Variants in FAM234B observed in about 807,000 individuals in gnomAD.
The protein encoded by FAM234B is family with sequence similarity 234 member B, also known as protein FAM234B.
Under a neutral mutation model 69.3 loss-of-function variants are expected in FAM234B, and 33 were observed. The observed-to-expected ratio is 0.48, with a 90% CI of 0.36 to 0.64. FAM234B has a LOEUF of 0.64. Among genes scored for constraint, FAM234B ranks in the 30% least tolerant of loss-of-function variants. The pLI is 0.00. For synonymous variants in FAM234B, 306 were observed against 306.9 expected, an observed-to-expected ratio of 1.00 and a Z score of 0.03; for missense variants, 697 against 769.7, an observed-to-expected ratio of 0.91 and a Z score of 1.12.
At chr12:13,059,274 C>T (rs762842088) in intron 3 of FAM234B, among the ~76,000 whole-genome samples, 42 of 152,232 alleles carry the variant, frequency 2.8e-4, no homozygotes, top group Non-Finnish European at 5.4e-4. Context: ...CTTTCCTTTT[C>T]TGGATTCCAG....
At position 13,068,615 on chromosome 12, in the gene FAM234B, T is replaced by A. The variant is rs747405987; in HGVS notation, c.1287-15T>A. 14 of 1,605,808 alleles carry A rather than the reference T, an allele frequency of 8.7e-6. No homozygotes were observed. The South Asian group carries it at 1.4e-4, about 16-fold the overall frequency. On this transcript the variant is annotated splice_polypyrimidine_tract_variant and intron_variant, in intron 8 of 12. Transcript: ENST00000197268. ...CTTGTTCACTATTGATTGCTTACTT[T>A]GTCCTTATTTGCAGCCAGCCTACTC...
At position 13,055,602 on chromosome 12, in the gene FAM234B, G is replaced by A; in HGVS notation, c.89G>A (p.Ser30Asn). The A allele has an allele frequency of 6.2e-7, 1 of 1,613,678 alleles. No individual in the cohort carries two copies. Among genetic ancestry groups the A allele is most frequent in the Non-Finnish European group, 8.5e-7 (1 of 1,179,558 alleles). ...GEYDPLTQAD[S>N]DESEDDLVLN... ...TATGATCCACTTACCCAGGCTGACA[G>A]TGATGAGAGCGAAGACGATCTGGTG... is the stretch of plus-strand genomic sequence containing the variant. Residue 30 changes from serine to asparagine, a missense_variant, in exon 2 of 13, where the codon AGT becomes AAT. Physicochemically the swap from Ser to Asn is conservative, Grantham distance 46. Coordinates refer to ENST00000197268, the MANE Select transcript of FAM234B (RefSeq NM_020853.2).
At position 13,058,531 on chromosome 12, in the gene FAM234B, A is replaced by G. The variant is rs1036056932; in HGVS notation, c.514A>G (p.Arg172Gly). 4.3e-6 allele frequency: 7 copies of G among 1,612,736 alleles called. No homozygotes were observed. The Admixed American group carries it at 6.7e-5, about 15-fold the overall frequency. The change falls in exon 3 of 13, where the codon AGG becomes GGG. Residue 172 changes from arginine to glycine, a missense_variant. Arg to Gly is a moderately radical substitution (Grantham distance 125, BLOSUM62 -2). Around this residue, in one of 3 missense-constraint regions of FAM234B, gnomAD observed 380 missense variants for 447.1 expected, o/e 0.85. Transcript: ENST00000197268. ...RDVLLSFVMSRNGSAVGVSRP... is the reference protein window; with the variant it reads ...RDVLLSFVMSGNGSAVGVSRP... The stretch of plus-strand genomic sequence containing the variant: ...TGTGCTTCTCTCCTTTGTGATGTCA[A>G]GGAACGGGAGTGCAGTAGGTAAGAG...
chr12:13,061,106 G>A (rs1864978258), intron 3 of FAM234B, among the ~76,000 whole-genome samples: 2 of 152,194 alleles, frequency 1.3e-5, no homozygotes, highest in African/African-American at 2.4e-5. Flanking sequence ...CGCTGCACAC[G>A]TTCTGGATCA....
At chr12:13,070,172 G>GATAT (rs66463903) in intron 9 of FAM234B, among the ~76,000 whole-genome samples, 110 of 139,712 alleles carry the variant, frequency 7.9e-4, no homozygotes, top group African/African-American at 2.4e-3. Flanking sequence ...ATTAAAAAAA[G>GATAT]ATATATATAT....
rs80230551 is a variant in FAM234B at position 13,083,018 on chromosome 12, G to T, written c.*2388G>T. 1 of 152,166 alleles carries T rather than the reference G, an allele frequency of 6.6e-6. No individual in the cohort carries two copies. The highest frequency in any genetic ancestry group is 1.5e-5 in the Non-Finnish European group (1 of 68,024). 9.4% of individuals were successfully genotyped at this position (152,166 alleles called of 1,614,324 possible). ...CCTCTTGCAGCCGGTACAGAAAGGTGTAAGTGGTGGCTGAAAATTGAGGAA... is the reference window on the plus strand; with the variant it reads ...CCTCTTGCAGCCGGTACAGAAAGGTTTAAGTGGTGGCTGAAAATTGAGGAA... On this transcript the variant is annotated 3_prime_UTR_variant, in exon 13 of 13. Coordinates refer to ENST00000197268, the MANE Select transcript of FAM234B (RefSeq NM_020853.2).
At chr12:13,061,432 C>T (rs1864981214) in intron 3 of FAM234B, 143 bp from the exon 4 acceptor site, 5 of 633,170 alleles carry the variant, frequency 7.9e-6, no homozygotes, top group Non-Finnish European at 1.4e-5. Flanking sequence ...ATCTTGCTGC[C>T]AGAAGTGTGA....
Position 13,081,837 on chromosome 12 carries a change from T to C in FAM234B, c.*1207T>C, listed in dbSNP as rs1265663939. ...AGTTCTCCTCTAAACTTTTAGGTCATTGTTTATATAGCAGAAAATTCAATG... is the reference window on the plus strand; with the variant it reads ...AGTTCTCCTCTAAACTTTTAGGTCACTGTTTATATAGCAGAAAATTCAATG... On this transcript the variant is annotated 3_prime_UTR_variant, in exon 13 of 13. Transcript: ENST00000197268. 3 of 152,184 alleles carry C rather than the reference T, an allele frequency of 2.0e-5. No homozygotes were observed. The highest frequency in any genetic ancestry group is 4.4e-5 in the Non-Finnish European group (3 of 68,026). 9.4% of individuals were successfully genotyped at this position (152,184 alleles called of 1,614,324 possible). A position where few individuals can be genotyped will look rare whatever the true frequency, so the allele number is the denominator to read the frequency against.
chr12:13,080,698 TA>T lies in FAM234B; in HGVS notation c.*72del. 2.3e-6 allele frequency: 3 copies of T among 1,329,854 alleles called. No individual in the cohort carries two copies. The highest frequency in any genetic ancestry group is 3.2e-6 in the Non-Finnish European group (3 of 926,678). 82.4% of individuals were successfully genotyped at this position (1,329,854 alleles called of 1,614,324 possible). On this transcript the variant is annotated 3_prime_UTR_variant, in exon 13 of 13. Transcript: ENST00000197268. ...TACCCTCTCTACTCTCCTGTCACTG[TA>T]AAATCAGTTCTATGGAGAGAAGACT...
rs1370118717 is a variant in FAM234B at position 13,055,655 on chromosome 12, A to G, written c.142A>G (p.Lys48Glu). Residue 48 changes from lysine (K) to glutamate (E), a missense_variant, in exon 2 of 13, where the codon AAA (lysine) becomes GAA (glutamate). Around this residue, in one of 3 missense-constraint regions of FAM234B, gnomAD observed 380 missense variants for 447.1 expected, o/e 0.85. Coordinates refer to ENST00000197268, the MANE Select transcript of FAM234B (RefSeq NM_020853.2). Reference sequence around the variant, plus strand: ...TAACCTGCAGAAGAATGGAGGGGTCAAAAATGGGAAGAGTCCTTTGGGAGA... The same window carrying G: ...TAACCTGCAGAAGAATGGAGGGGTCGAAAATGGGAAGAGTCCTTTGGGAGA... ...VLNLQKNGGV[K>E]NGKSPLGEAP... 1 of 1,614,206 alleles carries G rather than the reference A, an allele frequency of 6.2e-7. No individual in the cohort carries two copies. The highest frequency in any genetic ancestry group is 1.1e-5 in the South Asian group (1 of 91,086).
At position 13,068,698 on chromosome 12, in the gene FAM234B, T is replaced by C; in HGVS notation, c.1355T>C (p.Val452Ala). 2 of 1,609,782 alleles carry C rather than the reference T, an allele frequency of 1.2e-6. No individual in the cohort carries two copies. The highest frequency in any genetic ancestry group is 8.5e-7 in the Non-Finnish European group (1 of 1,176,218). ...LDFLLQIQDG[V>A]GMKKMMVVDG... ...TTCCTTCTGCAGATACAGGATGGAG[T>C]TGGGATGAAAAAGGTAAAACTTTGG... The change falls in exon 9 of 13, where the codon GTT becomes GCT. Residue 452 changes from valine (V) to alanine (A), a missense_variant. Transcript: ENST00000197268.
Position 13,071,321 on chromosome 12 carries a change from C to T in FAM234B, c.1449C>T (p.Thr483=), listed in dbSNP as rs138491122. ...GTCACATGAAAGAAACGCCAGCCAC[C>T]TCAGCAGTTACTTCAGACCAGAAGT... ...APCHMKETPA[T]SAVTSDQKSV... is the part of the protein sequence containing the mutation. The change falls in exon 10 of 13, where the codon ACC becomes ACT. Residue 483 remains threonine, a synonymous_variant. Transcript: ENST00000197268. The T allele has an allele frequency of 2.5e-6, 4 of 1,614,026 alleles. No individual in the cohort carries two copies. The African/African-American group carries it at 5.3e-5, about 22-fold the overall frequency.
At chr12:13,057,643 T>A (rs1864944838) in intron 2 of FAM234B, among the ~76,000 whole-genome samples, 1 of 152,260 alleles carries the variant, frequency 6.6e-6, no homozygotes, top group South Asian at 2.1e-4. Context: ...TTGTACCGAT[T>A]TACATTTCCA....
At chr12:13,074,358 C>A (rs1865139493) in intron 10 of FAM234B, among the ~76,000 whole-genome samples, 1 of 152,134 alleles carries the variant, frequency 6.6e-6, no homozygotes, top group Non-Finnish European at 1.5e-5. Flanking sequence ...AAGAAGTTTA[C>A]ATGGAAGCAC....
At chr12:13,075,899 G>A in intron 10 of FAM234B, 127 bp from the exon 11 acceptor site, 2 of 757,096 alleles carry the variant, frequency 2.6e-6, no homozygotes, top group South Asian at 1.5e-5. Flanking sequence ...CTTGTAGTTA[G>A]GATCAGGCAT....
intron 1 of FAM234B, among the ~76,000 whole-genome samples, chr12:13,052,672 A>G (rs1348250377): frequency 6.6e-6 from 1 of 152,244 alleles, no homozygotes; most frequent in Non-Finnish European, 1.5e-5. Context: ...GATAACTCAC[A>G]TAAGTGGAAT....
Position 13,062,827 on chromosome 12 carries a change from C to G in FAM234B, c.722-18C>G. ...GCAAGAAGTTGTCATAGTGACCAGC[C>G]TATGTGTCCTTCCTCAGGGAAAGCC... On this transcript the variant is annotated intron_variant, in intron 4 of 12. Coordinates refer to ENST00000197268, the MANE Select transcript of FAM234B (RefSeq NM_020853.2). 6.2e-7 allele frequency: 1 copy of G among 1,613,340 alleles called. No individual in the cohort carries two copies. The highest frequency in any genetic ancestry group is 1.1e-5 in the South Asian group (1 of 91,000).
At position 13,076,716 on chromosome 12, in the gene FAM234B, C is replaced by T. The variant is rs147353214; in HGVS notation, c.1642+573C>T. Among the ~76,000 whole-genome samples the T allele has an allele frequency of 1.4e-3, 219 of 152,380 alleles. 1 individual carries two copies. The highest frequency in any genetic ancestry group is 0.01 in the Middle Eastern group (3 of 294). On this transcript the variant is annotated intron_variant, in intron 11 of 12. Transcript: ENST00000197268. ...CTATTAGCATTTTGGAAGTGTTCTT[C>T]TACTTTACATATCTGTCTAAATAAC... is the stretch of plus-strand genomic sequence containing the variant.
Position 13,066,527 on chromosome 12 carries a change from G to A in FAM234B, c.853-113G>A, listed in dbSNP as rs1266268574. 3 of 1,174,916 alleles carry A rather than the reference G, an allele frequency of 2.6e-6. No homozygotes were observed. In the African/African-American group the frequency reaches 4.7e-5, roughly 19 times the overall value. 72.8% of individuals were successfully genotyped at this position (1,174,916 alleles called of 1,614,324 possible). A position where few individuals can be genotyped will look rare whatever the true frequency, so the allele number is the denominator to read the frequency against. On this transcript the variant is annotated intron_variant, in intron 5 of 12. Coordinates refer to ENST00000197268, the MANE Select transcript of FAM234B (RefSeq NM_020853.2). ...TTGGCTTTGTGCTTTCCAACTTGGG[G>A]GAGTGTTTCTGAGCCCGTGGCTTAT...
Sources: allele counts gnomAD v4.1 joint callset (sites outside exome capture counted in the v4.1 genomes callset), GRCh38; gene constraint gnomAD v4.1.1; regional missense constraint gnomAD v4.1.1; transcripts MANE v1.5; gene names NCBI Gene and HGNC (gene_info 2026-07-23, HGNC 2026-07-21).